Variants in MAP2K6 observed in about 807,000 individuals in gnomAD.
The protein encoded by MAP2K6 is mitogen-activated protein kinase kinase 6, also known as dual specificity mitogen-activated protein kinase kinase 6.
A neutral mutation model predicts 53.7 loss-of-function variants in MAP2K6; 16 were observed. The ratio of observed to expected loss-of-function variants is 0.30; its 90% CI spans 0.20 to 0.45. The LOEUF (loss-of-function observed/expected upper bound fraction) is 0.45. Ranked by LOEUF, MAP2K6 falls within the 20% of genes least tolerant of loss-of-function variation. The pLI is 1.00. For missense variants in MAP2K6, 204 were observed against 411.9 expected, an observed-to-expected ratio of 0.50 and a Z score of 4.37; for synonymous variants, 132 against 143.1, an observed-to-expected ratio of 0.92 and a Z score of 0.55.
In MAP2K6 at chr17:69,441,106, A is replaced by G. The variant is rs373063919; in HGVS notation, c.16+26106A>G. ...AGTAAACATATGGCATTATACTTTT[A>G]TGGGGCCACCCTTGTGTATGTAGGA... On this transcript the variant is annotated intron_variant, in intron 1 of 11. Coordinates refer to ENST00000590474, the MANE Select transcript of MAP2K6 (RefSeq NM_002758.4). Among the ~76,000 whole-genome samples, 4 of 152,296 alleles carry G rather than the reference A, an allele frequency of 2.6e-5. 1 individual carries two copies. The South Asian group carries it at 8.3e-4, about 32-fold the overall frequency.
intron 1 of MAP2K6, among the ~76,000 whole-genome samples, chr17:69,431,043 A>G (rs1034835444): frequency 2.6e-5 from 4 of 152,212 alleles, no homozygotes; most frequent in Non-Finnish European, 5.9e-5. Context: ...AAAAGTGATT[A>G]TTGAGTGCTT....
rs146007023 is a variant in MAP2K6 at position 69,460,527 on chromosome 17, G to T, written c.17-45253G>T. On this transcript the variant is annotated intron_variant, in intron 1 of 11. Coordinates refer to ENST00000590474, the MANE Select transcript of MAP2K6 (RefSeq NM_002758.4). ...TGATGGAGGACAGTGGATAGGAGAAGTTTACTCCTCAAAAATGAGAGATCA... is the reference window on the plus strand; with the variant it reads ...TGATGGAGGACAGTGGATAGGAGAATTTTACTCCTCAAAAATGAGAGATCA... Among the ~76,000 whole-genome samples, 554 of 152,278 alleles carry T rather than the reference G, an allele frequency of 3.6e-3. 3 individuals carry two copies. The highest frequency in any genetic ancestry group is 5.5e-3 in the Non-Finnish European group (373 of 68,010).
At chr17:69,460,781 G>T (rs1199016834) in intron 1 of MAP2K6, among the ~76,000 whole-genome samples, 1 of 152,100 alleles carries the variant, frequency 6.6e-6, no homozygotes, top group East Asian at 1.9e-4. Context: ...TGGTGTTTTT[G>T]TAGAGAGGGG....
chr17:69,465,911 A>G (rs369848362), intron 1 of MAP2K6, among the ~76,000 whole-genome samples: 7 of 149,794 alleles, frequency 4.7e-5, no homozygotes, highest in African/African-American at 1.5e-4. Context: ...GAGCCACTGC[A>G]CCCAGCCCTG....
intron 1 of MAP2K6, among the ~76,000 whole-genome samples, chr17:69,483,649 C>T (rs192416940): frequency 3.3e-5 from 5 of 152,106 alleles, no homozygotes; most frequent in South Asian, 4.1e-4. Flanking sequence ...GCCAAAACAA[C>T]CTTGGAAAAG....
chr17:69,537,896 T>G (rs778462589), intron 11 of MAP2K6, among the ~76,000 whole-genome samples: 2 of 152,236 alleles, frequency 1.3e-5, no homozygotes, highest in Non-Finnish European at 2.9e-5. Context: ...GCTTTTTTGG[T>G]TCTGTTTACT....
chr17:69,498,010 T>G (rs1909010555), intron 1 of MAP2K6, among the ~76,000 whole-genome samples: 1 of 53,784 alleles, frequency 1.9e-5, no homozygotes, highest in Admixed American at 2.1e-4. Flanking sequence ...ATGCTTGTAT[T>G]GCACATCACA....
At chr17:69,468,388 G>T (rs912799612) in intron 1 of MAP2K6, among the ~76,000 whole-genome samples, 1 of 152,112 alleles carries the variant, frequency 6.6e-6, no homozygotes, top group South Asian at 2.1e-4. Flanking sequence ...AACCATTTAC[G>T]AGCCAATTAC....
chr17:69,445,013 C>T (rs748861892), intron 1 of MAP2K6, among the ~76,000 whole-genome samples: 18 of 152,142 alleles, frequency 1.2e-4, no homozygotes, highest in Non-Finnish European at 1.9e-4. Context: ...CTCTGCCACC[C>T]GGGTTCAAGA....
intron 1 of MAP2K6, among the ~76,000 whole-genome samples, chr17:69,430,268 G>C (rs1380395511): frequency 6.6e-6 from 1 of 152,086 alleles, no homozygotes; most frequent in Non-Finnish European, 1.5e-5. Context: ...CCTGGGAGGT[G>C]GAGGTTGCAG....
In MAP2K6 at chr17:69,436,978, C is replaced by A. The variant is rs1906663790; in HGVS notation, c.16+21978C>A. 2.0e-5 allele frequency among the ~76,000 whole-genome samples: 3 copies of A among 152,208 alleles called. No individual in the cohort carries two copies. In the South Asian group the frequency reaches 6.2e-4, roughly 32 times the overall value. Reference sequence around the variant, plus strand: ...TAGCTGGGACTACAGGTTGCTGCCACCAGGCCCGGCTAATTTATTTTTATT... The same window carrying A: ...TAGCTGGGACTACAGGTTGCTGCCAACAGGCCCGGCTAATTTATTTTTATT... On this transcript the variant is annotated intron_variant, in intron 1 of 11. Transcript: ENST00000590474.
At chr17:69,502,391 C>T in intron 1 of MAP2K6, 2 of 985,444 alleles carry the variant, frequency 2.0e-6, no homozygotes, top group East Asian at 1.1e-4. Context: ...TGGTCTCTTA[C>T]TGTGCTGCTC....
intron 1 of MAP2K6, among the ~76,000 whole-genome samples, chr17:69,439,429 T>C (rs2145146850): frequency 6.6e-6 from 1 of 152,366 alleles, no homozygotes; most frequent in East Asian, 1.9e-4. Flanking sequence ...TTACCATTTA[T>C]TAGATGCCTG....
chr17:69,500,016 T>C (rs1909090662), intron 1 of MAP2K6, among the ~76,000 whole-genome samples: 1 of 152,178 alleles, frequency 6.6e-6, no homozygotes, highest in Admixed American at 6.5e-5. Context: ...GTTTTGAATT[T>C]GGAAGGTTGA....
intron 11 of MAP2K6, among the ~76,000 whole-genome samples, chr17:69,540,846 T>G (rs1217905112): frequency 6.6e-6 from 1 of 152,222 alleles, no homozygotes; most frequent in Non-Finnish European, 1.5e-5. Context: ...GCTTGGCAAA[T>G]GGCTTTAACT....
At chr17:69,517,470 C>A in intron 3 of MAP2K6, 30 bp from the exon 4 acceptor site, 1 of 1,261,804 alleles carries the variant, frequency 7.9e-7, no homozygotes, top group Non-Finnish European at 1.1e-6. Context: ...TTTCTCTTTC[C>A]CATTGCATTA....
intron 1 of MAP2K6, among the ~76,000 whole-genome samples, chr17:69,421,033 G>C (rs1906061661): frequency 6.6e-6 from 1 of 152,168 alleles, no homozygotes; most frequent in South Asian, 2.1e-4. Flanking sequence ...AGCCCTTGCT[G>C]GGTAACTAAA....
At chr17:69,450,692 G>T (rs1907190528) in intron 1 of MAP2K6, among the ~76,000 whole-genome samples, 2 of 151,952 alleles carry the variant, frequency 1.3e-5, no homozygotes, top group African/African-American at 2.4e-5. Flanking sequence ...GAGCTAGGAA[G>T]TGGGGCCAAT....
At chr17:69,533,597 T>C (rs1911199618) in intron 10 of MAP2K6, among the ~76,000 whole-genome samples, 1 of 152,138 alleles carries the variant, frequency 6.6e-6, no homozygotes, top group East Asian at 1.9e-4. Flanking sequence ...CATCTGAATA[T>C]TGAGTGTGGA....
Sources: gnomAD v4.1 joint callset for allele counts (sites outside exome capture counted in the v4.1 genomes callset) on GRCh38, gnomAD v4.1.1 for gene constraint, MANE v1.5 for transcripts, NCBI Gene and HGNC (gene_info 2026-07-23, HGNC 2026-07-21) for gene names.